The following PTPRG variants were observed in gnomAD, a reference collection of about 807,000 sequenced individuals.
PTPRG encodes receptor-type tyrosine-protein phosphatase gamma.
PTPRG carries 102 observed loss-of-function variants against 165.3 expected under a neutral mutation model. The ratio of observed to expected loss-of-function variants is 0.62; its 90% CI spans 0.53 to 0.73. The LOEUF (loss-of-function observed/expected upper bound fraction) is 0.73, where lower values mean the gene tolerates loss of function less well. PTPRG is among the 30% of genes least tolerant of loss of function. PTPRG has a pLI of 0.00. For synonymous variants in PTPRG, 675 were observed against 669.5 expected (o/e 1.01, Z -0.13); for missense variants, 1,866 against 1,861.4 (o/e 1.00, Z -0.05).
intron 1 of PTPRG, among the ~76,000 whole-genome samples, chr3:61,691,198 A>C (rs1344225801): frequency 6.6e-6 from 1 of 152,122 alleles, no homozygotes; most frequent in Non-Finnish European, 1.5e-5. Flanking sequence ...GGATTGCTTG[A>C]ACCCAGGAGT....
At chr3:61,643,105 G>GA (rs1337281748) in intron 1 of PTPRG, among the ~76,000 whole-genome samples, 2 of 152,122 alleles carry the variant, frequency 1.3e-5, no homozygotes, top group African/African-American at 4.8e-5. Flanking sequence ...TACAAGAAAG[G>GA]AAAAAATGAT....
intron 24 of PTPRG, 47 bp downstream of exon 24, chr3:62,276,013 A>G: frequency 7.0e-7 from 1 of 1,420,848 alleles, no homozygotes; most frequent in Non-Finnish European, 9.9e-7. Flanking sequence ...ACTGGATTGT[A>G]TGTTAGGTAC....
rs1374581452 is a variant in PTPRG, at chr3:62,293,503, C to A, written c.*196C>A. On this transcript the variant is annotated 3_prime_UTR_variant, in exon 30 of 30. Transcript: ENST00000474889. ...CATTTGCACCTCTGTTCATTTCACA[C>A]AGTGAAACGCAATTTTACCTAGTTT... 3 of 441,064 alleles carry A rather than the reference C, an allele frequency of 6.8e-6. No homozygotes were observed. The highest frequency in any genetic ancestry group is 7.9e-6 in the Non-Finnish European group (2 of 253,058). 27.3% of individuals were successfully genotyped at this position (441,064 alleles called of 1,614,324 possible).
At position 62,135,695 on chromosome 3, in the gene PTPRG, G is replaced by T. The variant is rs540781203; in HGVS notation, c.682+3027G>T. ...TGCAAGAAAGATTTTTGGCAGGGAGGGTCTGCCTGGGAAGGATCAAATGGA... is the reference window on the plus strand; with the variant it reads ...TGCAAGAAAGATTTTTGGCAGGGAGTGTCTGCCTGGGAAGGATCAAATGGA... On this transcript the variant is annotated intron_variant, in intron 6 of 29. Transcript: ENST00000474889. Among the ~76,000 whole-genome samples the T allele has an allele frequency of 2.0e-5, 3 of 152,248 alleles. No homozygotes were observed. In the South Asian group the frequency reaches 6.2e-4, roughly 32 times the overall value.
At chr3:62,124,272 G>A (rs1703199399) in intron 5 of PTPRG, 2 of 1,502,916 alleles carry the variant, frequency 1.3e-6, no homozygotes, top group South Asian at 1.1e-5. Context: ...TGCAAGGACA[G>A]GATGCTGATG....
chr3:62,001,205 G>C (rs1042891521), intron 3 of PTPRG, among the ~76,000 whole-genome samples: 1 of 152,194 alleles, frequency 6.6e-6, no homozygotes. Context: ...TTTTGGAAGG[G>C]GTGGGTGGAC....
At chr3:62,036,983 G>GTGCACACACA (rs1553707728) in intron 4 of PTPRG, among the ~76,000 whole-genome samples, 2 of 150,456 alleles carry the variant, frequency 1.3e-5, no homozygotes, top group East Asian at 2.0e-4. Flanking sequence ...GCGCGCGCAC[G>GTGCACACACA]CACACACACA....
chr3:61,718,391 G>A (rs2031907435), intron 1 of PTPRG, among the ~76,000 whole-genome samples: 1 of 152,108 alleles, frequency 6.6e-6, no homozygotes, highest in African/African-American at 2.4e-5. Context: ...AAAATGCCAG[G>A]TTGATTGAAA....
In PTPRG at chr3:61,818,046, A is replaced by G. The variant is rs567576607; in HGVS notation, c.190+69064A>G. The stretch of plus-strand genomic sequence containing the variant: ...TAGTGTTTGGAATCACTTTGTGAAA[A>G]TAACAGTGGGAGATCTACATGTTAA... On this transcript the variant is annotated intron_variant, in intron 2 of 29. Transcript: ENST00000474889. 5.3e-5 allele frequency among the ~76,000 whole-genome samples: 8 copies of G among 151,708 alleles called. No individual in the cohort carries two copies. The South Asian group carries it at 1.7e-3, about 32-fold the overall frequency.
At chr3:62,099,884 C>T (rs537146648) in intron 5 of PTPRG, among the ~76,000 whole-genome samples, 75 of 150,298 alleles carry the variant, frequency 5.0e-4, no homozygotes, top group African/African-American at 1.7e-3. Flanking sequence ...CCACAGCCTC[C>T]GCCTCCCAGG....
chr3:62,065,490 C>G (rs578024981), intron 4 of PTPRG, among the ~76,000 whole-genome samples: 50 of 152,288 alleles, frequency 3.3e-4, no homozygotes, highest in African/African-American at 1.2e-3. Context: ...GGCTTGCAGC[C>G]CTGCTGGAAG....
chr3:62,203,219 C>A lies in PTPRG; in HGVS notation c.1424C>A (p.Ser475Ter). Residue 475 changes from serine to a stop codon, truncating the protein, a stop_gained, in exon 12 of 30, where the codon TCG becomes TAG. Coordinates refer to ENST00000474889, the MANE Select transcript of PTPRG (RefSeq NM_002841.4). LOFTEE classifies it high-confidence loss of function. The surrounding 1 kb of genome is among the most constrained non-coding windows in gnomAD (Gnocchi z 6.4). ...ASSADMAPIS[S>*]GSSTWTSSGI... ...TCAGCCGACATGGCCCCCATCAGCTCGGGGTCTTCTACCTGGACGTCCTCT... is the reference window on the plus strand; with the variant it reads ...TCAGCCGACATGGCCCCCATCAGCTAGGGGTCTTCTACCTGGACGTCCTCT... The A allele has an allele frequency of 6.2e-7, 1 of 1,612,182 alleles. No homozygotes were observed. The highest frequency in any genetic ancestry group is 8.5e-7 in the Non-Finnish European group (1 of 1,178,852).
intron 2 of PTPRG, among the ~76,000 whole-genome samples, chr3:61,826,545 G>T (rs533678222): frequency 3.3e-5 from 5 of 151,568 alleles, no homozygotes; most frequent in Non-Finnish European, 7.4e-5. Flanking sequence ...TCCGATGTTT[G>T]TACTATTTCC....
chr3:61,735,087 C>G (rs922243465), intron 1 of PTPRG, among the ~76,000 whole-genome samples: 1 of 152,156 alleles, frequency 6.6e-6, no homozygotes, highest in East Asian at 1.9e-4. Context: ...TTAAATAGCT[C>G]TTCTTCCCAA....
intron 2 of PTPRG, among the ~76,000 whole-genome samples, chr3:61,833,830 G>A (rs1219520758): frequency 1.3e-5 from 2 of 152,140 alleles, no homozygotes; most frequent in African/African-American, 4.8e-5. Flanking sequence ...CTCCCAAAGC[G>A]CTAGGATTAC....
chr3:61,771,325 G>C (rs1000913370), intron 2 of PTPRG: 1 of 151,946 alleles, frequency 6.6e-6, no homozygotes, highest in African/African-American at 2.4e-5. Flanking sequence ...GGAGAGAAAC[G>C]GGGGGTTGCA....
intron 2 of PTPRG, among the ~76,000 whole-genome samples, chr3:61,973,109 A>G (rs1364896563): frequency 6.6e-6 from 1 of 152,232 alleles, no homozygotes; most frequent in African/African-American, 2.4e-5. Flanking sequence ...CCTGCAGTTG[A>G]GAACTGAGGA....
At chr3:61,577,048 T>C (rs539682588) in intron 1 of PTPRG, among the ~76,000 whole-genome samples, 5 of 152,202 alleles carry the variant, frequency 3.3e-5, no homozygotes, top group Non-Finnish European at 5.9e-5. Flanking sequence ...TGTGATTGAC[T>C]TATTGGATCT....
chr3:62,160,252 G>A (rs1193900538), intron 7 of PTPRG, among the ~76,000 whole-genome samples: 4 of 152,330 alleles, frequency 2.6e-5, no homozygotes, highest in African/African-American at 9.6e-5. Flanking sequence ...GCCTTTCAGA[G>A]TACATACAGG....
Sources: gnomAD v4.1 joint callset for allele counts (sites outside exome capture counted in the v4.1 genomes callset) on GRCh38, gnomAD v4.1.1 for gene constraint, Gnocchi (gnomAD v3.1) non-coding constraint, MANE v1.5 for transcripts, NCBI Gene and HGNC (gene_info 2026-07-23, HGNC 2026-07-21) for gene names.